SNTG1: variants seen among roughly 807,000 people sequenced by gnomAD.
The protein encoded by SNTG1 is gamma-1-syntrophin.
Under a neutral mutation model 74.7 loss-of-function variants are expected in SNTG1, and 39 were observed. The ratio of observed to expected loss-of-function variants is 0.52; its 90% CI spans 0.40 to 0.68. The LOEUF is 0.68. SNTG1 is among the 30% of genes least tolerant of loss of function. The pLI is 0.00. For missense variants in SNTG1, 685 were observed against 609.5 expected (o/e 1.12, Z -1.30); for synonymous variants, 254 against 217.1 (o/e 1.17, Z -1.49).
chr8:50,391,780 C>G (rs1030568310), intron 2 of SNTG1, among the ~76,000 whole-genome samples: 1 of 152,092 alleles, frequency 6.6e-6, no homozygotes, highest in South Asian at 2.1e-4. Context: ...GACTCAACTT[C>G]TTTCTGGTTT....
chr8:50,206,721 A>T (rs949602000), intron 2 of SNTG1, among the ~76,000 whole-genome samples: 1 of 152,048 alleles, frequency 6.6e-6, no homozygotes, highest in Non-Finnish European at 1.5e-5. Flanking sequence ...AATAGCTCTT[A>T]TATTTTGAAA....
At chr8:50,189,470 C>T (rs948225513) in intron 2 of SNTG1, among the ~76,000 whole-genome samples, 1 of 152,042 alleles carries the variant, frequency 6.6e-6, no homozygotes, top group African/African-American at 2.4e-5. Flanking sequence ...ATGCAGGGAC[C>T]ACACTGTGCA....
At chr8:50,593,998 A>G (rs2130891071) in intron 13 of SNTG1, among the ~76,000 whole-genome samples, 1 of 152,292 alleles carries the variant, frequency 6.6e-6, no homozygotes, top group Non-Finnish European at 1.5e-5. Flanking sequence ...GATTACAGGC[A>G]TGAGCCACAA....
chr8:50,109,483 G>T (rs1227363373), intron 1 of SNTG1, among the ~76,000 whole-genome samples: 3 of 152,066 alleles, frequency 2.0e-5, no homozygotes, highest in Non-Finnish European at 4.4e-5. Context: ...TGGTAAAACT[G>T]CACCAATTTT....
chr8:50,093,355 G>A (rs1197988991), intron 1 of SNTG1, among the ~76,000 whole-genome samples: 5 of 152,018 alleles, frequency 3.3e-5, no homozygotes, highest in Admixed American at 6.6e-5. Flanking sequence ...TTTTTAGCAT[G>A]TTCACAATCA....
chr8:50,340,734 T>A (rs564091156), intron 2 of SNTG1, among the ~76,000 whole-genome samples: 1 of 152,024 alleles, frequency 6.6e-6, no homozygotes, highest in East Asian at 1.9e-4. Context: ...AAAATTGGAC[T>A]TCCTTAAAAT....
intron 2 of SNTG1, chr8:50,380,985 A>G (rs749763511): frequency 6.6e-6 from 1 of 152,130 alleles, no homozygotes; most frequent in Non-Finnish European, 1.5e-5. Flanking sequence ...TGACGTAATA[A>G]TAGTCTAGAC....
chr8:50,510,538 C>T (rs2094060198), intron 9 of SNTG1, among the ~76,000 whole-genome samples: 1 of 152,180 alleles, frequency 6.6e-6, no homozygotes, highest in Admixed American at 6.5e-5. Context: ...GTGAATCCAT[C>T]TGGTCCTGGA....
chr8:50,372,286 A>AT (rs939723085), intron 2 of SNTG1, among the ~76,000 whole-genome samples: 1 of 149,924 alleles, frequency 6.7e-6, no homozygotes, highest in African/African-American at 2.5e-5. Flanking sequence ...TTCTATAGTT[A>AT]TTTTTTTTCG....
intron 2 of SNTG1, among the ~76,000 whole-genome samples, chr8:50,376,321 G>C (rs1423893578): frequency 6.6e-6 from 1 of 152,070 alleles, no homozygotes; most frequent in Non-Finnish European, 1.5e-5. Flanking sequence ...ATTCAGATTT[G>C]AGGTTTACAT....
chr8:50,322,154 G>A (rs2090557971), intron 2 of SNTG1, among the ~76,000 whole-genome samples: 1 of 151,398 alleles, frequency 6.6e-6, no homozygotes, highest in Admixed American at 6.6e-5. Context: ...GGGTACATGT[G>A]CCTTTAGCAT....
chr8:50,235,477 C>G (rs2085841788), intron 2 of SNTG1, among the ~76,000 whole-genome samples: 1 of 151,880 alleles, frequency 6.6e-6, no homozygotes, highest in Non-Finnish European at 1.5e-5. Context: ...TTTTATCTGT[C>G]AATTTAAAAT....
chr8:50,372,292 T>C (rs2092287884), intron 2 of SNTG1, among the ~76,000 whole-genome samples: 1 of 151,974 alleles, frequency 6.6e-6, no homozygotes, highest in South Asian at 2.1e-4. Flanking sequence ...AGTTATTTTT[T>C]TTCGGGTTAC....
intron 17 of SNTG1, among the ~76,000 whole-genome samples, chr8:50,712,555 G>A (rs571457398): frequency 1.3e-5 from 2 of 152,130 alleles, no homozygotes; most frequent in South Asian, 4.2e-4. Context: ...TGTTACATAG[G>A]TATATATGTG....
At chr8:50,264,997 C>T (rs1358365474) in intron 2 of SNTG1, among the ~76,000 whole-genome samples, 1 of 152,070 alleles carries the variant, frequency 6.6e-6, no homozygotes, top group African/African-American at 2.4e-5. Flanking sequence ...TTAAAAACTT[C>T]TTCCAAGGTT....
chr8:50,394,143 C>A, intron 2 of SNTG1, 69 bp from the exon 3 acceptor site: 1 of 1,230,622 alleles, frequency 8.1e-7, no homozygotes, highest in Non-Finnish European at 1.2e-6. Context: ...CGATTTCCTC[C>A]ACTATATTAG....
chr8:50,258,817 C>T (rs1022873692), intron 2 of SNTG1, among the ~76,000 whole-genome samples: 5 of 151,992 alleles, frequency 3.3e-5, no homozygotes, highest in African/African-American at 9.7e-5. Flanking sequence ...TAAACTTACA[C>T]ATAATGAGAT....
chr8:50,629,929 A>G (rs529999706), intron 13 of SNTG1, among the ~76,000 whole-genome samples: 9 of 152,316 alleles, frequency 5.9e-5, no homozygotes, highest in African/African-American at 2.2e-4. Context: ...TCGATATTAT[A>G]AATACATGTG....
chr8:50,752,144 TA>T, intron 18 of SNTG1, 33 bp downstream of exon 18: 1 of 1,198,662 alleles, frequency 8.3e-7, no homozygotes, highest in Non-Finnish European at 1.1e-6. Context: ...ATAACACCTC[TA>T]ACTACATTAA....
Sources: gnomAD v4.1 joint callset for allele counts (sites outside exome capture counted in the v4.1 genomes callset) on GRCh38, gnomAD v4.1.1 for gene constraint, MANE v1.5 for transcripts, NCBI Gene and HGNC (gene_info 2026-07-23, HGNC 2026-07-21) for gene names.